ABTB3: variants seen among roughly 807,000 people sequenced by gnomAD.
The protein encoded by ABTB3 is ankyrin repeat and BTB domain containing 3.
At chr12:107,398,155 A>G in the ABTB3 span, among the ~76,000 whole-genome samples, 1 of 151,828 alleles carries the variant, frequency 6.6e-6, no homozygotes, top group African/African-American at 2.4e-5. Context: ...CAGCTCTGGC[A>G]TTGGGTTGGG....
At chr12:107,600,177 C>G in the ABTB3 span, among the ~76,000 whole-genome samples, 1 of 152,150 alleles carries the variant, frequency 6.6e-6, no homozygotes, top group Non-Finnish European at 1.5e-5. Context: ...AAGCAAGATA[C>G]AGGTGTGAGC....
chr12:107,613,959 G>T, the ABTB3 span, among the ~76,000 whole-genome samples: 1 of 152,064 alleles, frequency 6.6e-6, no homozygotes, highest in Non-Finnish European at 1.5e-5. Context: ...TATAAATTTG[G>T]AATCTGTGGG....
the ABTB3 span, among the ~76,000 whole-genome samples, chr12:107,608,514 C>A: frequency 6.6e-6 from 1 of 152,154 alleles, no homozygotes; most frequent in African/African-American, 2.4e-5. Context: ...GTCTCAACAC[C>A]ATACTTTTGC....
chr12:107,632,651 G>A, the ABTB3 span, among the ~76,000 whole-genome samples: 1 of 152,222 alleles, frequency 6.6e-6, no homozygotes, highest in African/African-American at 2.4e-5. Flanking sequence ...GGCTTCTCTG[G>A]GTTGGAAATC....
the ABTB3 span, among the ~76,000 whole-genome samples, chr12:107,502,727 T>TA: frequency 1.6e-4 from 24 of 151,992 alleles, no homozygotes; most frequent in African/African-American, 5.1e-4. Flanking sequence ...CAGCATTAGA[T>TA]TCTCATAGGG....
the ABTB3 span, among the ~76,000 whole-genome samples, chr12:107,420,203 C>G: frequency 6.6e-6 from 1 of 152,162 alleles, no homozygotes; most frequent in Non-Finnish European, 1.5e-5. Context: ...CCGATGATGT[C>G]CTTCTTGATC....
chr12:107,339,394 A>G, the ABTB3 span, among the ~76,000 whole-genome samples: 1 of 152,172 alleles, frequency 6.6e-6, no homozygotes, highest in African/African-American at 2.4e-5. Context: ...GCCTCTAGAC[A>G]GGTTCCCTTC....
At chr12:107,601,314 C>G in the ABTB3 span, among the ~76,000 whole-genome samples, 2 of 152,208 alleles carry the variant, frequency 1.3e-5, no homozygotes, top group Non-Finnish European at 2.9e-5. Flanking sequence ...GACACTCAGA[C>G]CTTCGCCTCA....
the ABTB3 span, among the ~76,000 whole-genome samples, chr12:107,619,241 G>T: frequency 6.6e-6 from 1 of 152,142 alleles, no homozygotes; most frequent in African/African-American, 2.4e-5. Context: ...TTCCGAATGG[G>T]CTACTTGTTA....
At chr12:107,610,104 A>G in the ABTB3 span, 11 of 1,503,178 alleles carry the variant, frequency 7.3e-6, no homozygotes, top group East Asian at 4.5e-5. Context: ...AGCAAATGCA[A>G]TGTCCCAGGG....
chr12:107,482,991 TCCTTCCTTC>T, the ABTB3 span, among the ~76,000 whole-genome samples: 1 of 91,434 alleles, frequency 1.1e-5, no homozygotes, highest in African/African-American at 6.0e-5. Context: ...TTTCTTTCCT[TCCTTCCTTC>T]CTTCCTTCTT....
the ABTB3 span, among the ~76,000 whole-genome samples, chr12:107,444,189 G>A: frequency 3.3e-5 from 5 of 152,372 alleles, no homozygotes; most frequent in Middle Eastern, 3.4e-3. Context: ...GCAGAGCATG[G>A]CGATGAGGTG....
At chr12:107,393,853 C>G in the ABTB3 span, among the ~76,000 whole-genome samples, 1 of 152,144 alleles carries the variant, frequency 6.6e-6, no homozygotes, top group Admixed American at 6.5e-5. Flanking sequence ...TGGTGTGAAC[C>G]TGGGAGGCGG....
At chr12:107,521,046 C>T in the ABTB3 span, among the ~76,000 whole-genome samples, 4 of 152,218 alleles carry the variant, frequency 2.6e-5, no homozygotes, top group African/African-American at 9.6e-5. Flanking sequence ...TAGGCCTTGC[C>T]GTGAGAATGT....
the ABTB3 span, among the ~76,000 whole-genome samples, chr12:107,582,851 C>T: frequency 1.1e-4 from 16 of 152,208 alleles, no homozygotes; most frequent in African/African-American, 2.2e-4. Context: ...TTGCCCCCAT[C>T]GCCAACCTGG....
At chr12:107,527,012 G>C in the ABTB3 span, among the ~76,000 whole-genome samples, 4 of 152,014 alleles carry the variant, frequency 2.6e-5, no homozygotes, top group Non-Finnish European at 4.4e-5. Flanking sequence ...TGCACCTGCT[G>C]CTCCTTATGC....
the ABTB3 span, among the ~76,000 whole-genome samples, chr12:107,469,866 TTTTCTTTCTTTCTTTCTTTC>T: frequency 1.3e-5 from 1 of 75,502 alleles, no homozygotes; most frequent in African/African-American, 4.8e-5. Context: ...TCTTTCTTTC[TTTTCTTTCTTTCTTTCTTTC>T]TTTCTTTCTT....
the ABTB3 span, among the ~76,000 whole-genome samples, chr12:107,432,829 C>G: frequency 1.3e-5 from 2 of 152,134 alleles, no homozygotes; most frequent in Non-Finnish European, 1.5e-5. Flanking sequence ...CAAGCTCCCC[C>G]CGAGGTTCTA....
the ABTB3 span, among the ~76,000 whole-genome samples, chr12:107,582,097 C>G: frequency 6.6e-6 from 1 of 152,094 alleles, no homozygotes; most frequent in Non-Finnish European, 1.5e-5. Context: ...AGATTTCTGC[C>G]CTTTCAGATC....
Sources: allele counts gnomAD v4.1 joint callset (sites outside exome capture counted in the v4.1 genomes callset), GRCh38; gene constraint gnomAD v4.1.1; transcripts MANE v1.5; gene names NCBI Gene and HGNC (gene_info 2026-07-23, HGNC 2026-07-21).